Variants in NCALD observed in about 807,000 individuals in gnomAD.
NCALD encodes the protein neurocalcin delta, also known as neurocalcin-delta.
NCALD carries 10 observed loss-of-function variants against 18.6 expected under a neutral mutation model. The ratio of observed to expected loss-of-function variants is 0.54; its 90% CI spans 0.33 to 0.91. NCALD has a LOEUF of 0.91. Among genes scored for constraint, NCALD ranks in the 40% least tolerant of loss-of-function variants. NCALD has a pLI of 0.03. For missense variants in NCALD, 184 were observed against 247.6 expected (o/e 0.74, Z 1.72); for synonymous variants, 88 against 87.4 (o/e 1.01, Z -0.04).
At chr8:101,999,498 A>G (rs1047386226) in intron 2 of NCALD, among the ~76,000 whole-genome samples, 3 of 152,136 alleles carry the variant, frequency 2.0e-5, no homozygotes, top group Non-Finnish European at 4.4e-5. Context: ...GAATGATACA[A>G]TGGACTTTGG....
chr8:101,908,667 C>T (rs1817691170), intron 3 of NCALD, among the ~76,000 whole-genome samples: 4 of 152,182 alleles, frequency 2.6e-5, no homozygotes, highest in Admixed American at 2.6e-4. Flanking sequence ...TACTCATACT[C>T]ATGACCTGAA....
intron 4 of NCALD, among the ~76,000 whole-genome samples, chr8:101,820,904 A>G (rs112502660): frequency 1.3e-5 from 2 of 152,228 alleles, no homozygotes; most frequent in Admixed American, 6.5e-5. Context: ...GAAATTTGGG[A>G]AAGCAATCAG....
At chr8:102,072,299 G>A (rs1243584712) in intron 1 of NCALD, among the ~76,000 whole-genome samples, 1 of 152,162 alleles carries the variant, frequency 6.6e-6, no homozygotes, top group African/African-American at 2.4e-5. Flanking sequence ...ATTTCCAGCT[G>A]GGGTGGATGG....
chr8:101,742,220 C>G (rs1170012924), intron 1 of NCALD, among the ~76,000 whole-genome samples: 2 of 139,834 alleles, frequency 1.4e-5, no homozygotes, highest in African/African-American at 2.5e-5. Flanking sequence ...GAGTGAGACT[C>G]TGTCTCAAAG....
chr8:102,047,160 T>C (rs1473768825), intron 1 of NCALD, among the ~76,000 whole-genome samples: 1 of 152,236 alleles, frequency 6.6e-6, no homozygotes, highest in African/African-American at 2.4e-5. Flanking sequence ...TCTTTTTACA[T>C]GGCTGCATAG....
intron 2 of NCALD, among the ~76,000 whole-genome samples, chr8:101,928,488 A>C (rs185194058): frequency 6.6e-6 from 1 of 151,904 alleles, no homozygotes. Flanking sequence ...TTATATACCA[A>C]CTCCACACAT....
intron 2 of NCALD, among the ~76,000 whole-genome samples, chr8:101,940,698 G>A (rs1818923464): frequency 6.6e-6 from 1 of 152,162 alleles, no homozygotes; most frequent in Non-Finnish European, 1.5e-5. Context: ...ACAAGCTCTA[G>A]GTTTGGACAA....
At chr8:101,819,291 ATTTAT>A (rs1813625730) in intron 4 of NCALD, among the ~76,000 whole-genome samples, 1 of 150,628 alleles carries the variant, frequency 6.6e-6, no homozygotes, top group African/African-American at 2.4e-5. Context: ...TTATTTATTT[ATTTAT>A]TTATTTATTG....
intron 1 of NCALD, among the ~76,000 whole-genome samples, chr8:102,111,188 G>A (rs1825628391): frequency 6.6e-6 from 1 of 152,068 alleles, no homozygotes; most frequent in Admixed American, 6.6e-5. Flanking sequence ...CAGCACCAAA[G>A]GTCCAGGGAA....
chr8:101,968,733 TA>T (rs200846417), intron 2 of NCALD, among the ~76,000 whole-genome samples: 10 of 149,256 alleles, frequency 6.7e-5, no homozygotes, highest in Admixed American at 2.0e-4. Context: ...CACTCTCCTG[TA>T]AAAAAAAAAT....
chr8:101,852,375 G>A (rs993432186), intron 4 of NCALD, among the ~76,000 whole-genome samples: 26 of 152,164 alleles, frequency 1.7e-4, no homozygotes, highest in African/African-American at 6.0e-4. Flanking sequence ...ACCTCAGGCT[G>A]GTCTTGGCCT....
At chr8:102,069,885 C>G (rs1420594113) in intron 1 of NCALD, 2 of 152,198 alleles carry the variant, frequency 1.3e-5, no homozygotes, top group Non-Finnish European at 2.9e-5. Context: ...GAGGCCGAGG[C>G]AGGCAGGTCG....
intron 1 of NCALD, among the ~76,000 whole-genome samples, chr8:101,737,715 T>C (rs981524648): frequency 2.6e-5 from 4 of 152,226 alleles, no homozygotes; most frequent in Non-Finnish European, 5.9e-5. Flanking sequence ...CCTTGGTGTT[T>C]AGGTGGAGAT....
At chr8:101,847,591 G>A (rs1814921456) in intron 4 of NCALD, among the ~76,000 whole-genome samples, 1 of 152,146 alleles carries the variant, frequency 6.6e-6, no homozygotes, top group African/African-American at 2.4e-5. Context: ...GCTATTGTTT[G>A]GGGGTCCATG....
chr8:101,793,179 T>A (rs1009110049), upstream of NCALD, among the ~76,000 whole-genome samples: 14 of 151,814 alleles, frequency 9.2e-5, no homozygotes, highest in African/African-American at 2.9e-4. Context: ...TGAAACCCCG[T>A]CTCTATTAAA....
At chr8:101,794,417 A>G (rs565499947), upstream of NCALD, among the ~76,000 whole-genome samples, 119 of 152,090 alleles carry the variant, frequency 7.8e-4, no homozygotes, top group Non-Finnish European at 1.3e-3. Context: ...CCCAACCTCA[A>G]AAAAAGGAAA....
chr8:101,928,760 C>T (rs1300502760), intron 2 of NCALD, among the ~76,000 whole-genome samples: 1 of 152,140 alleles, frequency 6.6e-6, no homozygotes. Context: ...AACGTTAATG[C>T]TCTAGTTGTT....
At chr8:101,693,176 G>A (rs1231426887) in intron 2 of NCALD, 2 of 318,868 alleles carry the variant, frequency 6.3e-6, no homozygotes, top group East Asian at 1.6e-4. Flanking sequence ...TTTGAGACAG[G>A]GTCTCATTCT....
At chr8:101,936,429 C>A (rs1281425730) in intron 2 of NCALD, among the ~76,000 whole-genome samples, 1 of 151,936 alleles carries the variant, frequency 6.6e-6, no homozygotes, top group Non-Finnish European at 1.5e-5. Flanking sequence ...GAGAAACAGC[C>A]AAGAGGTGGC....
Sources: gnomAD v4.1 joint callset for allele counts (sites outside exome capture counted in the v4.1 genomes callset) on GRCh38, gnomAD v4.1.1 for gene constraint, MANE v1.5 for transcripts, NCBI Gene and HGNC (gene_info 2026-07-23, HGNC 2026-07-21) for gene names.